The following FBN2 variants were observed in gnomAD, a reference collection of about 807,000 sequenced individuals.
FBN2 encodes the protein fibrillin-2.
Under a neutral mutation model 355.6 loss-of-function variants are expected in FBN2, and 105 were observed. The ratio of observed to expected loss-of-function variants is 0.30; its 90% CI spans 0.25 to 0.35. The LOEUF (loss-of-function observed/expected upper bound fraction) is 0.35, where lower values mean the gene tolerates loss of function less well. Among genes scored for constraint, FBN2 ranks in the 10% least tolerant of loss-of-function variants. The probability of loss-of-function intolerance (pLI) is 1.00; values close to 1 mark genes in which losing one functional copy is unlikely to be tolerated. For missense variants in FBN2, 3,280 were observed against 3,758.7 expected (o/e 0.87, Z 3.33); for synonymous variants, 1,350 against 1,301.2 (o/e 1.04, Z -0.81).
At chr5:128,478,463 G>C (rs1296231871) in intron 5 of FBN2, among the ~76,000 whole-genome samples, 2 of 152,114 alleles carry the variant, frequency 1.3e-5, no homozygotes, top group Non-Finnish European at 2.9e-5. Context: ...TGTTTGATCT[G>C]ATTATGTGAT....
Position 128,369,194 on chromosome 5 carries a change from C to A in FBN2, c.2236G>T (p.Ala746Ser), listed in dbSNP as rs557189930. 5 of 1,614,074 alleles carry A rather than the reference C, an allele frequency of 3.1e-6. No homozygotes were observed. The South Asian group carries it at 5.5e-5, about 18-fold the overall frequency. The change falls in exon 16 of 65, where the codon GCA becomes TCA. Residue 746 changes from alanine (A) to serine (S), a missense_variant. Transcript: ENST00000262464. ...GFGEPCQPCP[A>S]KNSAEFHGLC... ...CACATGTGACTACCTGAATTTTTTG[C>A]AGGGCATGGCTGGCAGGGTTCTCCA...
At chr5:128,536,271 C>G in intron 2 of FBN2, 131 bp downstream of exon 2, 7 of 747,608 alleles carry the variant, frequency 9.4e-6, no homozygotes, top group Middle Eastern at 6.6e-4. Flanking sequence ...GGGGCCGCGT[C>G]CCGATTATCA....
rs201255083 is a variant in FBN2 at position 128,537,494 on chromosome 5, G to T, written c.110C>A (p.Pro37Gln). The T allele has an allele frequency of 1.9e-4, 303 of 1,585,714 alleles. No individual in the cohort carries two copies. The African/African-American group carries it at 3.6e-3, about 19-fold the overall frequency. Residue 37 changes from proline to glutamine, a missense_variant, in exon 1 of 65, where the codon CCG (proline) becomes CAG (glutamine). This residue lies in a region of FBN2 where 203 missense variants were observed against 142.2 expected (regional missense o/e 1.43). Coordinates refer to ENST00000262464, the MANE Select transcript of FBN2 (RefSeq NM_001999.4). ...AGQPQPPPPK[P>Q]PRPQPPPQQV... ...TTGCGGCGGCGGCTGGGGCCGGGGC[G>T]GCTTGGGCGGAGGAGGCTGAGGCTG...
intron 7 of FBN2, among the ~76,000 whole-genome samples, chr5:128,433,619 C>T (rs776628980): frequency 1.8e-4 from 27 of 152,082 alleles, no homozygotes; most frequent in Non-Finnish European, 2.8e-4. Context: ...AATATGTTTA[C>T]GCTTCAGATT....
chr5:128,306,693 T>C (rs558596111), intron 42 of FBN2, among the ~76,000 whole-genome samples: 7 of 152,128 alleles, frequency 4.6e-5, no homozygotes, highest in Non-Finnish European at 1.0e-4. Flanking sequence ...AATGTACATT[T>C]AGAAGGAATT....
chr5:128,467,645 C>T (rs1160942073), intron 5 of FBN2, among the ~76,000 whole-genome samples: 1 of 152,062 alleles, frequency 6.6e-6, no homozygotes, highest in Admixed American at 6.6e-5. Flanking sequence ...ACCATGCTAA[C>T]CATTCATAGT....
intron 19 of FBN2, among the ~76,000 whole-genome samples, chr5:128,361,303 A>G (rs1488026049): frequency 6.6e-6 from 1 of 152,220 alleles, no homozygotes; most frequent in Non-Finnish European, 1.5e-5. Flanking sequence ...CTTCTTGGGT[A>G]TATCAATCAT....
intron 55 of FBN2, among the ~76,000 whole-genome samples, chr5:128,282,244 C>T (rs1174379110): frequency 6.6e-6 from 1 of 151,810 alleles, no homozygotes; most frequent in East Asian, 1.9e-4. Flanking sequence ...CATGATGTGC[C>T]TCCTGTGATT....
rs777658608 is a variant in FBN2, at chr5:128,286,856, C to T, written c.6881-7G>A. The T allele has an allele frequency of 3.1e-6, 5 of 1,613,652 alleles. No individual in the cohort carries two copies. In the Admixed American group the frequency reaches 8.3e-5, roughly 27 times the overall value. On this transcript the variant is annotated splice_polypyrimidine_tract_variant and splice_region_variant and intron_variant, in intron 54 of 64. Coordinates refer to ENST00000262464, the MANE Select transcript of FBN2 (RefSeq NM_001999.4). The stretch of plus-strand genomic sequence containing the variant: ...TCAGCACATTCATCCAGATCTAGAA[C>T]AAAAAATAAAAATTAAAAATTATCT...
At position 128,446,541 on chromosome 5, in the gene FBN2, A is replaced by T. The variant is rs1754068646; in HGVS notation, c.892T>A (p.Ser298Thr). The stretch of plus-strand genomic sequence containing the variant: ...CCAGCAGGGCATCTGCATTCAAAAG[A>T]GCCCACTGTATTGATACAGTTTCCT... ...QGGNCINTVG[S>T]FECRCPAGHK... The change falls in exon 7 of 65, where the codon TCT becomes ACT. Residue 298 changes from serine (S) to threonine (T), a missense_variant. This residue lies in a region of FBN2 where 343 missense variants were observed against 331.0 expected (regional missense o/e 1.04). Transcript: ENST00000262464. 6.2e-7 allele frequency: 1 copy of T among 1,613,758 alleles called. No homozygotes were observed. The highest frequency in any genetic ancestry group is 2.2e-5 in the East Asian group (1 of 44,870).
chr5:128,310,421 T>TTA (rs1442118124), intron 39 of FBN2, among the ~76,000 whole-genome samples: 8 of 131,250 alleles, frequency 6.1e-5, no homozygotes, highest in Non-Finnish European at 9.7e-5. Context: ...TTTTTTTTTT[T>TTA]ATTGCAATTC....
chr5:128,311,002 T>A lies in FBN2; in HGVS notation c.5074+298A>T, dbSNP rs612993. Among the ~76,000 whole-genome samples, 32,120 of 152,090 alleles carry A rather than the reference T, an allele frequency of 0.21. 3,500 individuals carry two copies. The highest frequency in any genetic ancestry group is 0.24 in the African/African-American group (10,073 of 41,446). ...CAATTTTTCCTATGTAAAATGTAAT[T>A]CTTATCAATATTTTCACTAATAACT... On this transcript the variant is annotated intron_variant, in intron 39 of 64. Transcript: ENST00000262464.
intron 34 of FBN2, among the ~76,000 whole-genome samples, chr5:128,319,214 G>A (rs558964474): frequency 4.0e-5 from 6 of 151,516 alleles, no homozygotes; most frequent in South Asian, 2.1e-4. Context: ...TGTTTTCTTC[G>A]TAAAATGAGT....
intron 19 of FBN2, among the ~76,000 whole-genome samples, chr5:128,361,038 A>G (rs1169350497): frequency 1.3e-5 from 2 of 152,254 alleles, no homozygotes; most frequent in South Asian, 2.1e-4. Flanking sequence ...ATACAAAAAC[A>G]TAATTCAGTG....
At chr5:128,440,524 A>T (rs1035395346) in intron 7 of FBN2, among the ~76,000 whole-genome samples, 35 of 152,282 alleles carry the variant, frequency 2.3e-4, no homozygotes, top group African/African-American at 8.2e-4. Flanking sequence ...ACTCACTATC[A>T]CGAGAACAGC....
intron 49 of FBN2, among the ~76,000 whole-genome samples, chr5:128,291,301 A>C (rs1229480718): frequency 6.6e-6 from 1 of 152,182 alleles, no homozygotes; most frequent in Non-Finnish European, 1.5e-5. Flanking sequence ...CAGAATAAGA[A>C]TTTTTCTTTT....
At chr5:128,456,848 G>C (rs892117859) in intron 6 of FBN2, among the ~76,000 whole-genome samples, 4 of 151,810 alleles carry the variant, frequency 2.6e-5, no homozygotes, top group Admixed American at 2.0e-4. Flanking sequence ...AGATGAGAAA[G>C]AATCAATGAA....
chr5:128,261,999 C>A, intron 63 of FBN2, 92 bp from the exon 64 acceptor site: 1 of 972,420 alleles, frequency 1.0e-6, no homozygotes, highest in Middle Eastern at 2.1e-4. Flanking sequence ...AACACGAAAC[C>A]AACAGAGCAA....
At chr5:128,303,527 T>C (rs1749776834) in intron 45 of FBN2, among the ~76,000 whole-genome samples, 1 of 151,996 alleles carries the variant, frequency 6.6e-6, no homozygotes, top group South Asian at 2.1e-4. Context: ...GTTTACTTAA[T>C]TGTATGAAGT....
Sources: allele counts gnomAD v4.1 joint callset (sites outside exome capture counted in the v4.1 genomes callset), GRCh38; gene constraint gnomAD v4.1.1; regional missense constraint gnomAD v4.1.1; transcripts MANE v1.5; gene names NCBI Gene and HGNC (gene_info 2026-07-23, HGNC 2026-07-21).